PCDHGA5: variants seen among roughly 807,000 people sequenced by gnomAD.
The protein encoded by PCDHGA5 is protocadherin gamma subfamily A, 5.
In PCDHGA5, 36 loss-of-function variants were observed where a neutral mutation model predicts 56.7. The ratio of observed to expected loss-of-function variants is 0.64; its 90% CI spans 0.49 to 0.84. The LOEUF (loss-of-function observed/expected upper bound fraction) is 0.84, where lower values mean the gene tolerates loss of function less well. PCDHGA5 is among the 40% of genes least tolerant of loss of function. The pLI is 0.00. For missense variants in PCDHGA5, 1,305 were observed against 1,201.5 expected (o/e 1.09, Z -1.27); for synonymous variants, 563 against 520.2 (o/e 1.08, Z -1.12).
chr5:141,372,317 C>T (rs775859797), intron 1 of PCDHGA5: 3 of 1,613,614 alleles, frequency 1.9e-6, no homozygotes, highest in East Asian at 2.2e-5. Flanking sequence ...CCCGCCAGCG[C>T]CTGCTGGTCA....
intron 1 of PCDHGA5, among the ~76,000 whole-genome samples, chr5:141,447,542 T>G (rs980012061): frequency 1.3e-5 from 2 of 152,216 alleles, no homozygotes; most frequent in African/African-American, 4.8e-5. Context: ...TGGGTTTTAA[T>G]GTTATGAGTA....
chr5:141,427,530 T>C (rs1302316196), intron 1 of PCDHGA5: 3 of 619,732 alleles, frequency 4.8e-6, no homozygotes, highest in Non-Finnish European at 9.0e-6. Context: ...GATCCCGGAG[T>C]ACAACGTCAC....
Position 141,408,894 on chromosome 5 carries a change from C to T in PCDHGA5, c.2421+42143C>T, listed in dbSNP as rs778126197. 71 of 1,613,186 alleles carry T rather than the reference C, an allele frequency of 4.4e-5. No homozygotes were observed. The Middle Eastern group carries it at 4.9e-4, about 11-fold the overall frequency. ...AGTGCCACCGCTCACATAGAAATTT[C>T]TGTCAAGGATACCAATGATAACCCC... On this transcript the variant is annotated intron_variant, in intron 1 of 3. Transcript: ENST00000518069.
intron 1 of PCDHGA5, among the ~76,000 whole-genome samples, chr5:141,474,000 C>T (rs2099336161): frequency 6.6e-6 from 1 of 152,076 alleles, no homozygotes. Context: ...GCCCAAGGAG[C>T]TGGAAGTTAC....
At chr5:141,385,826 TTACAG>T (rs2090363283) in intron 1 of PCDHGA5, 1 of 155,578 alleles carries the variant, frequency 6.4e-6, no homozygotes, top group Non-Finnish European at 1.4e-5. Flanking sequence ...CTTGACCTAT[TTACAG>T]TATAATCATT....
rs764337284 is a variant in PCDHGA5, at chr5:141,490,255, G to A, written c.2422-4552G>A. Reference sequence around the variant, plus strand: ...GGAGGGCCACTGTGTGATTCAAGTGGATGTGGGGGATGTCAATGACAATGC... The same window carrying A: ...GGAGGGCCACTGTGTGATTCAAGTGAATGTGGGGGATGTCAATGACAATGC... On this transcript the variant is annotated intron_variant, in intron 1 of 3. Transcript: ENST00000518069. The surrounding 1 kb of genome is among the most constrained non-coding windows in gnomAD (Gnocchi z 5.4). 6 of 1,614,118 alleles carry A rather than the reference G, an allele frequency of 3.7e-6. No individual in the cohort carries two copies. In the Admixed American group the frequency reaches 6.7e-5, roughly 18 times the overall value.
At chr5:141,463,367 C>G (rs1437952082) in intron 1 of PCDHGA5, among the ~76,000 whole-genome samples, 1 of 151,748 alleles carries the variant, frequency 6.6e-6, no homozygotes, top group African/African-American at 2.4e-5. Context: ...CCTTTCCTGC[C>G]CCACAGTCTG....
At chr5:141,390,533 A>G (rs1589127549) in intron 1 of PCDHGA5, 1 of 529,950 alleles carries the variant, frequency 1.9e-6, no homozygotes. Context: ...GTGTGGTTTT[A>G]ACCACAAAGT....
intron 1 of PCDHGA5, chr5:141,393,052 G>T (rs771952632): frequency 6.2e-7 from 1 of 1,613,614 alleles, no homozygotes; most frequent in Non-Finnish European, 8.5e-7. Context: ...CTGAACCCGC[G>T]CAGCGGCAGC....
rs768648952 is a variant in PCDHGA5 at position 141,477,230 on chromosome 5, G to C, written c.2422-17577G>C. 6.2e-7 allele frequency: 1 copy of C among 1,614,046 alleles called. No homozygotes were observed. Among genetic ancestry groups the C allele is most frequent in the East Asian group, 2.2e-5 (1 of 44,890 alleles). ...GGATGCCCCTCTGGGGACTGTCATC[G>C]CTTTGCTCAGTGTGACTGACCTGGA... On this transcript the variant is annotated intron_variant, in intron 1 of 3. Transcript: ENST00000518069. The surrounding 1 kb of genome is among the most constrained non-coding windows in gnomAD (Gnocchi z 4.9).
intron 1 of PCDHGA5, chr5:141,373,926 G>A: frequency 1.5e-6 from 1 of 662,052 alleles, no homozygotes; most frequent in Non-Finnish European, 2.3e-6. Flanking sequence ...AAATTAGACG[G>A]GAAAGCAGGA....
chr5:141,433,555 G>C (rs1434189062), intron 1 of PCDHGA5, among the ~76,000 whole-genome samples: 1 of 152,088 alleles, frequency 6.6e-6, no homozygotes, highest in African/African-American at 2.4e-5. Flanking sequence ...TTCTTTTCTG[G>C]CTGGGCGCGG....
intron 1 of PCDHGA5, chr5:141,384,250 A>C: frequency 6.2e-7 from 1 of 1,613,796 alleles, no homozygotes; most frequent in East Asian, 2.2e-5. Context: ...TAACCCACCC[A>C]CCTTCCCCCA....
At chr5:141,421,966 G>A in intron 1 of PCDHGA5, 1 of 1,610,918 alleles carries the variant, frequency 6.2e-7, no homozygotes, top group Non-Finnish European at 8.5e-7. Flanking sequence ...TACACAGTCC[G>A]TATATCGCGT....
chr5:141,389,223 G>T, intron 1 of PCDHGA5: 3 of 1,613,994 alleles, frequency 1.9e-6, no homozygotes, highest in East Asian at 2.2e-5. Flanking sequence ...AAATGACAAC[G>T]CTCCGGTTTT....
At chr5:141,413,333 C>T in intron 1 of PCDHGA5, 1 of 1,613,966 alleles carries the variant, frequency 6.2e-7, no homozygotes, top group Non-Finnish European at 8.5e-7. Context: ...GGCAACATCT[C>T]CAAGGACTTG....
Position 141,456,380 on chromosome 5 carries a change from C to T in PCDHGA5, c.2422-38427C>T, listed in dbSNP as rs186993611. ...CCATGTGTGGTTCAGTTTACAGCAC[C>T]GTTTGGAGTTTGATTGCTTCTAGGC... is the stretch of plus-strand genomic sequence containing the variant. On this transcript the variant is annotated intron_variant, in intron 1 of 3. Coordinates refer to ENST00000518069, the MANE Select transcript of PCDHGA5 (RefSeq NM_018918.3). Among the ~76,000 whole-genome samples, 427 of 152,082 alleles carry T rather than the reference C, an allele frequency of 2.8e-3. 1 individual carries two copies. Among genetic ancestry groups the T allele is most frequent in the Non-Finnish European group, 2.7e-3 (184 of 68,004 alleles).
chr5:141,403,952 C>T, intron 1 of PCDHGA5: 1 of 1,613,684 alleles, frequency 6.2e-7, no homozygotes, highest in Non-Finnish European at 8.5e-7. Flanking sequence ...GACAAAAGTG[C>T]TCATTTCGGT....
At chr5:141,497,771 C>T (rs2099779314) in intron 2 of PCDHGA5, among the ~76,000 whole-genome samples, 1 of 152,154 alleles carries the variant, frequency 6.6e-6, no homozygotes, top group Non-Finnish European at 1.5e-5. Context: ...ACTCCCCGAC[C>T]TCAACTGATC....
Sources: allele counts gnomAD v4.1 joint callset (sites outside exome capture counted in the v4.1 genomes callset), GRCh38; gene constraint gnomAD v4.1.1; non-coding constraint Gnocchi (gnomAD v3.1); transcripts MANE v1.5; gene names NCBI Gene and HGNC (gene_info 2026-07-23, HGNC 2026-07-21).